Variants in PIK3C2G observed in about 807,000 individuals in gnomAD.
PIK3C2G encodes the protein phosphatidylinositol-4-phosphate 3-kinase catalytic subunit type 2 gamma, also known as phosphatidylinositol 3-kinase C2 domain-containing subunit gamma.
PIK3C2G carries 168 observed loss-of-function variants against 181.1 expected under a neutral mutation model. The ratio of observed to expected loss-of-function variants is 0.93; its 90% CI spans 0.82 to 1.05. The LOEUF is 1.05. Among genes scored for constraint, PIK3C2G ranks in the 50% least tolerant of loss-of-function variants. The pLI is 0.00. For synonymous variants in PIK3C2G, 573 were observed against 592.2 expected (o/e 0.97, Z 0.47); for missense variants, 1,869 against 1,732.8 (o/e 1.08, Z -1.40).
intron 16 of PIK3C2G, among the ~76,000 whole-genome samples, chr12:18,418,680 T>C (rs1377518224): frequency 2.0e-5 from 3 of 151,820 alleles, no homozygotes; most frequent in Non-Finnish European, 4.4e-5. Context: ...GATAGAAAAA[T>C]CAACAGAACT....
chr12:18,387,640 A>G (rs11044058), intron 14 of PIK3C2G, among the ~76,000 whole-genome samples: 36,141 of 151,848 alleles, frequency 0.24, 4,594 homozygotes, highest in Admixed American at 0.35. Context: ...CTCTTCTCAC[A>G]CCAAGCAAAG....
chr12:18,719,053 CT>C, the PIK3C2G span, among the ~76,000 whole-genome samples: 1 of 152,130 alleles, frequency 6.6e-6, no homozygotes, highest in East Asian at 1.9e-4. Flanking sequence ...GTCCTGATGT[CT>C]GAGAATTAAT....
intron 18 of PIK3C2G, among the ~76,000 whole-genome samples, chr12:18,476,875 A>T (rs915618185): frequency 6.6e-6 from 1 of 152,154 alleles, no homozygotes; most frequent in Admixed American, 6.6e-5. Context: ...TGGATTGAAA[A>T]AAAAAAAGAG....
At chr12:18,296,390 T>A (rs1030809677) in intron 5 of PIK3C2G, among the ~76,000 whole-genome samples, 3 of 152,104 alleles carry the variant, frequency 2.0e-5, no homozygotes, top group Non-Finnish European at 4.4e-5. Context: ...AAGCATCTGG[T>A]GATGCCTATG....
At chr12:18,500,003 G>A (rs1241411721) in intron 22 of PIK3C2G, among the ~76,000 whole-genome samples, 7 of 152,200 alleles carry the variant, frequency 4.6e-5, no homozygotes, top group Non-Finnish European at 8.8e-5. Context: ...CACAGCCCTC[G>A]CTCGCTCTCG....
chr12:18,376,415 A>T (rs1378980527), intron 13 of PIK3C2G, among the ~76,000 whole-genome samples: 1 of 152,094 alleles, frequency 6.6e-6, no homozygotes, highest in African/African-American at 2.4e-5. Context: ...CAATTTCTGT[A>T]CCCTCATTTT....
upstream of PIK3C2G, among the ~76,000 whole-genome samples, chr12:18,247,018 T>C (rs1366964830): frequency 1.3e-5 from 2 of 152,216 alleles, no homozygotes; most frequent in Admixed American, 6.5e-5. Context: ...TCATATGTTA[T>C]ATAAAACATA....
the PIK3C2G span, among the ~76,000 whole-genome samples, chr12:18,666,361 T>TA: frequency 2.0e-3 from 297 of 152,186 alleles, no homozygotes; most frequent in African/African-American, 6.9e-3. Flanking sequence ...TCCTTAGATT[T>TA]ACAGACACAA....
chr12:18,658,317 G>A, the PIK3C2G span, among the ~76,000 whole-genome samples: 1 of 152,152 alleles, frequency 6.6e-6, no homozygotes, highest in African/African-American at 2.4e-5. Context: ...CAATTCACTT[G>A]ATGAATTACA....
At chr12:18,295,517 T>C (rs775915674) in intron 5 of PIK3C2G, among the ~76,000 whole-genome samples, 1 of 152,046 alleles carries the variant, frequency 6.6e-6, no homozygotes, top group Admixed American at 6.6e-5. Flanking sequence ...AAGTATAATG[T>C]GGAGAAAATT....
At chr12:18,702,818 C>CTTTTTTTTTTT in the PIK3C2G span, among the ~76,000 whole-genome samples, 2 of 116,600 alleles carry the variant, frequency 1.7e-5, no homozygotes, top group Admixed American at 9.9e-5. Context: ...GATAAAGTAA[C>CTTTTTTTTTTT]TTTTTTTTTT....
chr12:18,627,709 C>T (rs1350150845), intron 31 of PIK3C2G, among the ~76,000 whole-genome samples: 1 of 152,072 alleles, frequency 6.6e-6, no homozygotes, highest in Non-Finnish European at 1.5e-5. Context: ...ATAAACAGAC[C>T]CTTTTCATGA....
the PIK3C2G span, among the ~76,000 whole-genome samples, chr12:18,688,643 T>C: frequency 6.6e-6 from 1 of 151,900 alleles, no homozygotes; most frequent in Admixed American, 6.6e-5. Flanking sequence ...TGTGATAGCA[T>C]TTTCTGAGTT....
At chr12:18,706,254 AAAG>A in the PIK3C2G span, among the ~76,000 whole-genome samples, 10 of 152,182 alleles carry the variant, frequency 6.6e-5, no homozygotes, top group South Asian at 1.5e-3. Context: ...AAAAAAAAAA[AAAG>A]AAGAAGACAG....
chr12:18,478,144 T>C (rs1323229716), intron 18 of PIK3C2G, among the ~76,000 whole-genome samples: 1 of 152,162 alleles, frequency 6.6e-6, no homozygotes, highest in Non-Finnish European at 1.5e-5. Flanking sequence ...AAAAAAGGAC[T>C]GAGCTGGGCA....
chr12:18,468,821 T>C (rs1269657133), intron 18 of PIK3C2G, among the ~76,000 whole-genome samples: 1 of 152,050 alleles, frequency 6.6e-6, no homozygotes, highest in East Asian at 1.9e-4. Flanking sequence ...TTTAATCCTA[T>C]CCTTATTGCT....
intron 18 of PIK3C2G, among the ~76,000 whole-genome samples, chr12:18,480,049 G>A (rs1001904359): frequency 3.3e-5 from 5 of 152,158 alleles, no homozygotes; most frequent in Non-Finnish European, 7.4e-5. Context: ...ACAAGGTGGA[G>A]TTTTTGACAA....
At chr12:18,621,658 C>G (rs778285909) in intron 31 of PIK3C2G, among the ~76,000 whole-genome samples, 9 of 151,612 alleles carry the variant, frequency 5.9e-5, no homozygotes, top group Non-Finnish European at 8.9e-5. Flanking sequence ...AAGGCAGAAG[C>G]TATTCTGATC....
chr12:18,478,715 T>A (rs1939246968), intron 18 of PIK3C2G, among the ~76,000 whole-genome samples: 1 of 152,174 alleles, frequency 6.6e-6, no homozygotes, highest in South Asian at 2.1e-4. Context: ...TGGTGGCTCA[T>A]GCCTGTAATC....
Sources: allele counts gnomAD v4.1 joint callset (sites outside exome capture counted in the v4.1 genomes callset), GRCh38; gene constraint gnomAD v4.1.1; transcripts MANE v1.5; gene names NCBI Gene and HGNC (gene_info 2026-07-23, HGNC 2026-07-21).